Variants in ACO1 observed in about 807,000 individuals in gnomAD.
ACO1 encodes the protein aconitase 1, also known as cytoplasmic aconitate hydratase.
In ACO1, 78 loss-of-function variants were observed where a neutral mutation model predicts 105.1. The ratio of observed to expected loss-of-function variants is 0.74; its 90% CI spans 0.62 to 0.90. The LOEUF (loss-of-function observed/expected upper bound fraction) is 0.90. ACO1 is among the 40% of genes least tolerant of loss of function. The pLI is 0.00. For synonymous variants in ACO1, 364 were observed against 397.4 expected (o/e 0.92, Z 1.00); for missense variants, 965 against 1,111.1 (o/e 0.87, Z 1.87).
At chr9:32,411,234 A>AGAGG (rs1013419591) in intron 4 of ACO1, among the ~76,000 whole-genome samples, 46 of 152,222 alleles carry the variant, frequency 3.0e-4, no homozygotes, top group African/African-American at 9.9e-4. Context: ...GGTATTTTTA[A>AGAGG]GAGGCTATTA....
chr9:32,431,604 G>A, intron 14 of ACO1, 115 bp from the exon 15 acceptor site: 2 of 1,115,540 alleles, frequency 1.8e-6, no homozygotes, highest in South Asian at 3.0e-5. Flanking sequence ...CAGTCATTCA[G>A]TGTTCACACG....
rs1821634092 is a variant in ACO1, at chr9:32,407,339, A to T, written c.176A>T (p.Asp59Val). Residue 59 changes from aspartate to valine, a missense_variant, in exon 3 of 21, where the codon GAT becomes GTT. Physicochemically the swap from Asp to Val is radical, Grantham distance 152 (BLOSUM62 -3). Coordinates refer to ENST00000309951, the MANE Select transcript of ACO1 (RefSeq NM_002197.3). ...NCDEFLVKKQ[D>V]IENILHWNVT... ...GATGAGTTTTTGGTGAAGAAACAGG[A>T]TATTGAAAATATTCTACATTGGAAT... The T allele has an allele frequency of 6.2e-7, 1 of 1,614,066 alleles. No homozygotes were observed. Among genetic ancestry groups the T allele is most frequent in the Non-Finnish European group, 8.5e-7 (1 of 1,180,048 alleles).
chr9:32,440,654 T>C (rs1822460123), intron 19 of ACO1, 67 bp downstream of exon 19: 1 of 1,558,702 alleles, frequency 6.4e-7, no homozygotes, highest in Admixed American at 1.9e-5. Context: ...CAGGCACAAA[T>C]CCTGTTGCTT....
At chr9:32,446,110 T>C (rs1451755912) in intron 19 of ACO1, among the ~76,000 whole-genome samples, 1 of 152,212 alleles carries the variant, frequency 6.6e-6, no homozygotes, top group Non-Finnish European at 1.5e-5. Flanking sequence ...GAGAGTTCTG[T>C]AGATGTCTAT....
At chr9:32,392,338 C>A (rs1821283313) in intron 1 of ACO1, among the ~76,000 whole-genome samples, 1 of 152,152 alleles carries the variant, frequency 6.6e-6, no homozygotes, top group Non-Finnish European at 1.5e-5. Context: ...CAGATCCTGT[C>A]TTCTCTCATG....
intron 10 of ACO1, 65 bp from the exon 11 acceptor site, chr9:32,425,773 A>G: frequency 8.4e-7 from 1 of 1,192,108 alleles, no homozygotes; most frequent in South Asian, 1.6e-5. Flanking sequence ...ATTTTCCTCT[A>G]GCCAGATACA....
At chr9:32,393,659 C>A (rs1414110569) in intron 1 of ACO1, among the ~76,000 whole-genome samples, 1 of 152,154 alleles carries the variant, frequency 6.6e-6, no homozygotes, top group Admixed American at 6.5e-5. Context: ...TTTTACTGCT[C>A]AGGGGGCATC....
rs1035891224 is a variant in ACO1, at chr9:32,451,434, T to C, written c.*1323T>C. ...ATTGTATTGGATCAGGGTCCCACTC[T>C]TATGGAGACCCAGGAAAGCTGGTGG... On this transcript the variant is annotated 3_prime_UTR_variant, in exon 21 of 21. Transcript: ENST00000309951. 3.3e-5 allele frequency: 5 copies of C among 152,146 alleles called. No homozygotes were observed. Among genetic ancestry groups the C allele is most frequent in the Non-Finnish European group, 7.3e-5 (5 of 68,062 alleles). 9.4% of individuals were successfully genotyped at this position (152,146 alleles called of 1,614,324 possible).
chr9:32,445,359 G>C (rs1229980220), intron 19 of ACO1: 1 of 153,204 alleles, frequency 6.5e-6, no homozygotes, highest in Non-Finnish European at 1.5e-5. Context: ...ATGTGTCCAG[G>C]AATTTATCCA....
chr9:32,436,990 T>TA (rs1341034911), intron 18 of ACO1, among the ~76,000 whole-genome samples: 1 of 152,220 alleles, frequency 6.6e-6, no homozygotes, highest in East Asian at 1.9e-4. Context: ...GAATGAAATA[T>TA]AAAACCTAGC....
rs1822357386 is a variant in ACO1, at chr9:32,436,247, T to C, written c.2100-3T>C. ...CCAGCTCCTTTCTTGCTTGCCTTCT[T>C]AGCCTAACTCCACGAGAATTCAACT... On this transcript the variant is annotated splice_region_variant and splice_polypyrimidine_tract_variant and intron_variant, in intron 17 of 20. Coordinates refer to ENST00000309951, the MANE Select transcript of ACO1 (RefSeq NM_002197.3). The C allele has an allele frequency of 6.2e-7, 1 of 1,614,012 alleles. No individual in the cohort carries two copies. Among genetic ancestry groups the C allele is most frequent in the Admixed American group, 1.7e-5 (1 of 60,032 alleles).
intron 1 of ACO1, among the ~76,000 whole-genome samples, chr9:32,389,963 G>A (rs1267570514): frequency 1.3e-5 from 2 of 151,910 alleles, no homozygotes; most frequent in East Asian, 1.9e-4. Flanking sequence ...ACGCCCAGCC[G>A]ATTTTTGTAT....
chr9:32,404,180 C>G (rs559275280), intron 1 of ACO1, among the ~76,000 whole-genome samples: 2 of 152,276 alleles, frequency 1.3e-5, no homozygotes, highest in East Asian at 3.9e-4. Flanking sequence ...ACCTCAAAAA[C>G]TAAAGCCACC....
intron 20 of ACO1, among the ~76,000 whole-genome samples, 179 bp from the exon 21 acceptor site, chr9:32,449,819 G>GAAATGCATCTTCTGA (rs1431070012): frequency 6.6e-6 from 1 of 152,174 alleles, no homozygotes; most frequent in Non-Finnish European, 1.5e-5. Flanking sequence ...AGATCTTGCT[G>GAAATGCATCTTCTGA]AAATGCATCT....
chr9:32,448,422 G>C (rs1318747868), intron 19 of ACO1, among the ~76,000 whole-genome samples: 1 of 152,262 alleles, frequency 6.6e-6, no homozygotes, highest in Non-Finnish European at 1.5e-5. Context: ...TGTGCTAGCA[G>C]CAAGAATTTC....
intron 18 of ACO1, among the ~76,000 whole-genome samples, chr9:32,438,686 T>G (rs1024282412): frequency 3.9e-5 from 6 of 152,182 alleles, no homozygotes; most frequent in African/African-American, 1.4e-4. Context: ...CTGACTCCAG[T>G]GAAACATGTC....
intron 1 of ACO1, among the ~76,000 whole-genome samples, chr9:32,393,251 C>G (rs1280266732): frequency 6.6e-6 from 1 of 152,136 alleles, no homozygotes; most frequent in Non-Finnish European, 1.5e-5. Context: ...AGGAACATCC[C>G]TGAGAAAGAG....
intron 4 of ACO1, among the ~76,000 whole-genome samples, chr9:32,416,285 G>C (rs1821847351): frequency 6.6e-6 from 1 of 151,848 alleles, no homozygotes; most frequent in South Asian, 2.1e-4. Context: ...AGCAGAGATG[G>C]GGTTTCACCA....
chr9:32,399,964 C>CTTTTTTTTTTTTTTTTTTTTTTT (rs1300474052), intron 1 of ACO1, among the ~76,000 whole-genome samples: 5 of 42,426 alleles, frequency 1.2e-4, no homozygotes, highest in Non-Finnish European at 1.5e-4. Context: ...TTTTCTTTTT[C>CTTTTTTTTTTTTTTTTTTTTTTT]TGTTTTTTTT....
Sources: allele counts gnomAD v4.1 joint callset (sites outside exome capture counted in the v4.1 genomes callset), GRCh38; gene constraint gnomAD v4.1.1; transcripts MANE v1.5; gene names NCBI Gene and HGNC (gene_info 2026-07-23, HGNC 2026-07-21).